The following DAAM1 variants were observed in gnomAD, a reference collection of about 807,000 sequenced individuals.
DAAM1 encodes dishevelled associated activator of morphogenesis 1.
DAAM1 carries 52 observed loss-of-function variants against 130.0 expected under a neutral mutation model. The observed-to-expected ratio is 0.40, with a 90% confidence interval of 0.32 to 0.50. The LOEUF (loss-of-function observed/expected upper bound fraction) is 0.50, where lower values mean the gene tolerates loss of function less well. Among genes scored for constraint, DAAM1 ranks in the 20% least tolerant of loss-of-function variants. The pLI is 0.61. For synonymous variants in DAAM1, 452 were observed against 444.5 expected (o/e 1.02, Z -0.21); for missense variants, 1,134 against 1,303.8 (o/e 0.87, Z 2.01).
intron 1 of DAAM1, among the ~76,000 whole-genome samples, chr14:59,236,760 A>G (rs962241693): frequency 6.6e-6 from 1 of 152,130 alleles, no homozygotes; most frequent in Non-Finnish European, 1.5e-5. Context: ...TGGGCCTCCA[A>G]CACCTAGAAC....
At chr14:59,283,103 CAT>C (rs1419120307) in intron 2 of DAAM1, among the ~76,000 whole-genome samples, 1 of 152,146 alleles carries the variant, frequency 6.6e-6, no homozygotes, top group Admixed American at 6.6e-5. Context: ...TTAGGAATCA[CAT>C]GTTTCTTCAC....
intron 23 of DAAM1, 152 bp downstream of exon 23, chr14:59,363,934 C>G: frequency 2.5e-6 from 3 of 1,186,460 alleles, no homozygotes; most frequent in Non-Finnish European, 3.5e-6. Flanking sequence ...TTTCCAGATT[C>G]CATTGTTTTG....
intron 15 of DAAM1, 145 bp from the exon 16 acceptor site, chr14:59,339,929 C>A: frequency 1.8e-6 from 1 of 545,838 alleles, no homozygotes. Context: ...TTCCATCATT[C>A]TCCACACTTC....
At chr14:59,338,445 A>T (rs1326377902) in intron 15 of DAAM1, 4 of 1,611,132 alleles carry the variant, frequency 2.5e-6, no homozygotes, top group Non-Finnish European at 3.4e-6. Context: ...AGCTTGCTTA[A>T]TATAACTCCT....
chr14:59,368,944 A>C lies in DAAM1; in HGVS notation c.*85A>C. ...GTTTCATTACACTGCCTTGCAATCC[A>C]AACAGTGGCAATTTTTTCCTTCATC... is the stretch of plus-strand genomic sequence containing the variant. On this transcript the variant is annotated 3_prime_UTR_variant, in exon 25 of 25. Coordinates refer to ENST00000360909, the MANE Select transcript of DAAM1 (RefSeq NM_001270520.2). The C allele has an allele frequency of 7.9e-7, 1 of 1,268,306 alleles. No homozygotes were observed. Among genetic ancestry groups the C allele is most frequent in the Non-Finnish European group, 1.1e-6 (1 of 921,806 alleles). 78.6% of individuals were successfully genotyped at this position (1,268,306 alleles called of 1,614,324 possible). A position where few individuals can be genotyped will look rare whatever the true frequency, so the allele number is the denominator to read the frequency against.
intron 1 of DAAM1, among the ~76,000 whole-genome samples, chr14:59,209,794 C>T (rs1257172775): frequency 6.6e-6 from 1 of 152,048 alleles, no homozygotes; most frequent in South Asian, 2.1e-4. Flanking sequence ...AGTCAAGGAA[C>T]ATCTATATGA....
At chr14:59,188,978 C>T (rs1382769806) in intron 1 of DAAM1, among the ~76,000 whole-genome samples, 2 of 152,204 alleles carry the variant, frequency 1.3e-5, no homozygotes, top group Non-Finnish European at 2.9e-5. Flanking sequence ...CAGCTCTCGG[C>T]TGCCTAGCTG....
intron 3 of DAAM1, among the ~76,000 whole-genome samples, chr14:59,303,362 C>T (rs750347097): frequency 6.6e-6 from 1 of 152,206 alleles, no homozygotes; most frequent in East Asian, 1.9e-4. Flanking sequence ...GCTATTCATT[C>T]TGGTTACCAC....
chr14:59,199,271 G>A (rs1888022849), intron 1 of DAAM1, among the ~76,000 whole-genome samples: 1 of 152,160 alleles, frequency 6.6e-6, no homozygotes, highest in African/African-American at 2.4e-5. Context: ...TCACTTTTTA[G>A]TTTCTACTTA....
chr14:59,290,595 G>T (rs1883702234), intron 2 of DAAM1, among the ~76,000 whole-genome samples: 2 of 152,096 alleles, frequency 1.3e-5, no homozygotes, highest in South Asian at 2.1e-4. Context: ...AAACTTCATT[G>T]CCTCAATTCA....
intron 10 of DAAM1, 170 bp downstream of exon 10, chr14:59,326,247 AT>A (rs951934575): frequency 4.3e-6 from 3 of 697,758 alleles, no homozygotes; most frequent in African/African-American, 1.8e-5. Context: ...GTGTTACAAA[AT>A]TTTTTAAATG....
intron 1 of DAAM1, among the ~76,000 whole-genome samples, chr14:59,194,570 G>A (rs1266924377): frequency 6.6e-6 from 1 of 152,200 alleles, no homozygotes; most frequent in East Asian, 1.9e-4. Flanking sequence ...AGCCTGTGTT[G>A]AGAGTTAAGA....
At chr14:59,319,640 CTT>C (rs1884928173) in intron 4 of DAAM1, among the ~76,000 whole-genome samples, 1 of 152,080 alleles carries the variant, frequency 6.6e-6, no homozygotes, top group Admixed American at 6.6e-5. Flanking sequence ...AGTCATAAGA[CTT>C]GGGGTACTTT....
intron 2 of DAAM1, among the ~76,000 whole-genome samples, chr14:59,280,535 C>CTTTT (rs35354608): frequency 1.2e-4 from 11 of 90,656 alleles, no homozygotes; most frequent in African/African-American, 4.2e-4. Context: ...GCACACCTTC[C>CTTTT]TTTTTTTTTT....
intron 3 of DAAM1, among the ~76,000 whole-genome samples, chr14:59,301,062 C>T (rs1884149847): frequency 6.6e-6 from 1 of 151,598 alleles, no homozygotes; most frequent in South Asian, 2.1e-4. Flanking sequence ...AATTAGTTGT[C>T]AACCATGTGA....
At chr14:59,301,472 G>T (rs927734557) in intron 3 of DAAM1, among the ~76,000 whole-genome samples, 1 of 152,060 alleles carries the variant, frequency 6.6e-6, no homozygotes, top group African/African-American at 2.4e-5. Context: ...ATCTAGACCT[G>T]TTTGCACCCT....
At chr14:59,205,754 T>C (rs1361129077) in intron 1 of DAAM1, among the ~76,000 whole-genome samples, 2 of 152,244 alleles carry the variant, frequency 1.3e-5, no homozygotes, top group Non-Finnish European at 2.9e-5. Context: ...TTTTATATGG[T>C]TGTCACTGAA....
In DAAM1 at chr14:59,263,657, G is replaced by A. The variant is rs1249494886; in HGVS notation, c.180G>A (p.Leu60=). ...AGCTGGATGTCATGTTCAGTGAACT[G>A]GTGGTGAGTCCCAGTTTTCTATCCT... ...VEELDVMFSE[L]VDELDLTDKH... Residue 60 remains leucine (L), a synonymous_variant, in exon 2 of 25, where the codon CTG becomes CTA. Transcript: ENST00000360909. 6.2e-7 allele frequency: 1 copy of A among 1,614,088 alleles called. No homozygotes were observed. Among genetic ancestry groups the A allele is most frequent in the East Asian group, 2.2e-5 (1 of 44,876 alleles).
At chr14:59,355,000 C>G (rs1010181541) in intron 19 of DAAM1, among the ~76,000 whole-genome samples, 165 bp from the exon 20 acceptor site, 1 of 152,194 alleles carries the variant, frequency 6.6e-6, no homozygotes, top group Admixed American at 6.5e-5. Context: ...TTCTTTGCTT[C>G]TGGTGTAAGC....
Sources: gnomAD v4.1 joint callset for allele counts (sites outside exome capture counted in the v4.1 genomes callset) on GRCh38, gnomAD v4.1.1 for gene constraint, MANE v1.5 for transcripts, NCBI Gene and HGNC (gene_info 2026-07-23, HGNC 2026-07-21) for gene names.